The following RMST variants were observed in gnomAD, a reference collection of about 807,000 sequenced individuals.
RMST encodes long intergenic non-protein coding RNA 54.
At chr12:97,466,714 C>T (rs1181568434) in intron 5 of RMST, among the ~76,000 whole-genome samples, 1 of 151,948 alleles carries the variant, frequency 6.6e-6, no homozygotes, top group African/African-American at 2.4e-5. Flanking sequence ...TATCTCGTTC[C>T]AAATACAATG....
intron 4 of RMST, among the ~76,000 whole-genome samples, chr12:97,463,505 T>C (rs1367950908): frequency 6.6e-6 from 1 of 152,212 alleles, no homozygotes; most frequent in Non-Finnish European, 1.5e-5. Flanking sequence ...GCTTTTTGTG[T>C]CTGTCTGGTG....
At chr12:97,510,984 C>G (rs1879221949) in intron 10 of RMST, among the ~76,000 whole-genome samples, 1 of 151,898 alleles carries the variant, frequency 6.6e-6, no homozygotes, top group African/African-American at 2.4e-5. Flanking sequence ...TTCACTTCAT[C>G]AATTTCTGCA....
At chr12:97,504,915 G>A (rs1194087475) in intron 10 of RMST, among the ~76,000 whole-genome samples, 1 of 152,126 alleles carries the variant, frequency 6.6e-6, no homozygotes, top group Non-Finnish European at 1.5e-5. Context: ...TCTCTCTGAT[G>A]AGAGAAGGAA....
chr12:97,481,662 C>G (rs1337392700), intron 5 of RMST, among the ~76,000 whole-genome samples: 1 of 152,140 alleles, frequency 6.6e-6, no homozygotes, highest in Non-Finnish European at 1.5e-5. Flanking sequence ...GCCGGTGTGC[C>G]AGGCAGAATT....
At chr12:97,532,044 G>A (rs557485241) in intron 11 of RMST, among the ~76,000 whole-genome samples, 1 of 151,932 alleles carries the variant, frequency 6.6e-6, no homozygotes, top group East Asian at 1.9e-4. Context: ...GCCTTTCAGT[G>A]TCCAGATAAT....
chr12:97,563,625 T>G (rs796898799), intron 13 of RMST: 1 of 364,630 alleles, frequency 2.7e-6, no homozygotes, highest in African/African-American at 2.1e-5. Flanking sequence ...TGGTCTTGTT[T>G]CCCGGTCCTT....
chr12:97,556,437 G>A (rs1883714599), intron 11 of RMST, among the ~76,000 whole-genome samples: 1 of 152,160 alleles, frequency 6.6e-6, no homozygotes, highest in Admixed American at 6.6e-5. Flanking sequence ...ACAGAAGCTG[G>A]GGACACATTT....
rs557104691 is a variant in RMST, at chr12:97,508,762, G to A, written n.1340+12706G>A. 6.6e-5 allele frequency among the ~76,000 whole-genome samples: 10 copies of A among 152,252 alleles called. No homozygotes were observed. In the South Asian group the frequency reaches 1.0e-3, roughly 16 times the overall value. On this transcript the variant is annotated intron_variant and non_coding_transcript_variant, in intron 10 of 13. Coordinates refer to ENST00000640149, the Ensembl canonical transcript of RMST. ...CTATTGATTAATTTACCCAGAGTAG[G>A]AGATTAATTCAGGAGTTTAACAGAA...
At chr12:97,536,898 A>G (rs973521600) in intron 11 of RMST, among the ~76,000 whole-genome samples, 3 of 151,480 alleles carry the variant, frequency 2.0e-5, no homozygotes, top group East Asian at 3.9e-4. Flanking sequence ...GCCACTTATT[A>G]CTTCACAACA....
chr12:97,523,057 A>G (rs575969313), intron 10 of RMST, among the ~76,000 whole-genome samples: 1 of 152,220 alleles, frequency 6.6e-6, no homozygotes, highest in African/African-American at 2.4e-5. Context: ...TGAAGGTAAA[A>G]TATTGTTACT....
At chr12:97,523,421 T>C (rs1880717443) in intron 10 of RMST, among the ~76,000 whole-genome samples, 3 of 152,286 alleles carry the variant, frequency 2.0e-5, no homozygotes, top group Non-Finnish European at 2.9e-5. Flanking sequence ...AGTGTTCTGT[T>C]TGGTTAACAA....
chr12:97,514,387 G>A lies in RMST; in HGVS notation n.1341-16268G>A, dbSNP rs1315026171. 3.3e-5 allele frequency among the ~76,000 whole-genome samples: 5 copies of A among 152,144 alleles called. No homozygotes were observed. In the East Asian group the frequency reaches 9.6e-4, roughly 29 times the overall value. Reference sequence around the variant, plus strand: ...TTTCTTACTTGTCAACCATGTTCAAGAAATGTTTTCTGAGCATATGGATTT... The same window carrying A: ...TTTCTTACTTGTCAACCATGTTCAAAAAATGTTTTCTGAGCATATGGATTT... On this transcript the variant is annotated intron_variant and non_coding_transcript_variant, in intron 10 of 13. Transcript: ENST00000640149.
intron 10 of RMST, among the ~76,000 whole-genome samples, chr12:97,517,132 A>C (rs1880018321): frequency 6.6e-6 from 1 of 152,008 alleles, no homozygotes; most frequent in Admixed American, 6.6e-5. Flanking sequence ...ATGAATAAAA[A>C]TGGAAAGCTT....
At chr12:97,497,357 A>G (rs751761244) in intron 10 of RMST, among the ~76,000 whole-genome samples, 1 of 152,180 alleles carries the variant, frequency 6.6e-6, no homozygotes, top group Non-Finnish European at 1.5e-5. Flanking sequence ...AAGATTTTCT[A>G]TCTATAAATG....
chr12:97,535,806 G>T (rs1592760086), intron 11 of RMST, among the ~76,000 whole-genome samples: 1 of 151,644 alleles, frequency 6.6e-6, no homozygotes, highest in African/African-American at 2.4e-5. Flanking sequence ...TCTAGAGGAA[G>T]TATGAGAAGA....
intron 10 of RMST, among the ~76,000 whole-genome samples, chr12:97,510,583 G>A (rs1879171317): frequency 6.6e-6 from 1 of 152,166 alleles, no homozygotes; most frequent in Admixed American, 6.5e-5. Context: ...CCTCACAGTA[G>A]AATCTTAGTT....
intron 5 of RMST, among the ~76,000 whole-genome samples, chr12:97,477,065 G>A (rs1874635905): frequency 6.6e-6 from 1 of 152,078 alleles, no homozygotes; most frequent in East Asian, 1.9e-4. Context: ...AAGACTTTAG[G>A]GGAAGGTTTA....
At chr12:97,484,242 C>A (rs1352317875) in intron 5 of RMST, among the ~76,000 whole-genome samples, 3 of 152,126 alleles carry the variant, frequency 2.0e-5, no homozygotes, top group Admixed American at 6.6e-5. Flanking sequence ...ACCATAAGAG[C>A]TATGCCTGCA....
At chr12:97,563,925 G>A (rs769615112) in intron 13 of RMST, 1 of 499,050 alleles carries the variant, frequency 2.0e-6, no homozygotes, top group East Asian at 5.8e-5. Context: ...ACTAAGAAGG[G>A]GCCATCAGTA....
Sources: allele counts gnomAD v4.1 joint callset (sites outside exome capture counted in the v4.1 genomes callset), GRCh38; gene constraint gnomAD v4.1.1; transcripts MANE v1.5; gene names NCBI Gene and HGNC (gene_info 2026-07-23, HGNC 2026-07-21).